The following ATP8B1 variants were observed in gnomAD, a reference collection of about 807,000 sequenced individuals.
ATP8B1 encodes phospholipid-transporting ATPase IC.
In ATP8B1, 80 loss-of-function variants were observed where a neutral mutation model predicts 149.9. That is an observed-to-expected ratio of 0.53 (90% CI 0.45 to 0.64). The LOEUF is 0.64. Ranked by LOEUF, ATP8B1 falls within the 30% of genes least tolerant of loss-of-function variation. The pLI is 0.00. For missense variants in ATP8B1, 1,247 were observed against 1,552.6 expected, an observed-to-expected ratio of 0.80 and a Z score of 3.31; for synonymous variants, 536 against 562.8, an observed-to-expected ratio of 0.95 and a Z score of 0.67.
At chr18:57,672,915 T>TAAAAC (rs1568189290) in intron 16 of ATP8B1, among the ~76,000 whole-genome samples, 1 of 58,332 alleles carries the variant, frequency 1.7e-5, no homozygotes, top group Non-Finnish European at 3.3e-5. Flanking sequence ...TATATATATA[T>TAAAAC]ATATATATAT....
At chr18:57,762,852 TA>T (rs1448204399) in intron 1 of ATP8B1, among the ~76,000 whole-genome samples, 1 of 152,312 alleles carries the variant, frequency 6.6e-6, no homozygotes, top group African/African-American at 2.4e-5. Flanking sequence ...TTCCCAAACG[TA>T]GTAATTCAAG....
intron 1 of ATP8B1, among the ~76,000 whole-genome samples, chr18:57,733,524 G>T (rs948885330): frequency 3.9e-5 from 6 of 152,078 alleles, no homozygotes; most frequent in African/African-American, 1.4e-4. Context: ...GGCTAACACA[G>T]TGAAACCCCG....
At chr18:57,682,852 T>C (rs962601838) in intron 15 of ATP8B1, among the ~76,000 whole-genome samples, 3 of 152,144 alleles carry the variant, frequency 2.0e-5, no homozygotes, top group African/African-American at 7.2e-5. Flanking sequence ...TTTTTGTTTT[T>C]TTTTGAGATA....
At chr18:57,694,250 C>A (rs1323309216) in intron 11 of ATP8B1, among the ~76,000 whole-genome samples, 1 of 152,126 alleles carries the variant, frequency 6.6e-6, no homozygotes, top group Non-Finnish European at 1.5e-5. Flanking sequence ...GCAATGAAAT[C>A]AACCCTACAT....
At chr18:57,759,818 C>T (rs2080130109) in intron 1 of ATP8B1, among the ~76,000 whole-genome samples, 3 of 124,860 alleles carry the variant, frequency 2.4e-5, no homozygotes, top group African/African-American at 5.4e-5. Context: ...GACTCCGTCT[C>T]GGGAAAGAAA....
intron 1 of ATP8B1, among the ~76,000 whole-genome samples, chr18:57,793,357 A>G (rs1395219929): frequency 6.6e-6 from 1 of 151,958 alleles, no homozygotes; most frequent in African/African-American, 2.4e-5. Flanking sequence ...CCCCACAGCT[A>G]CCATCCTGGC....
At chr18:57,692,233 A>T (rs1383210897) in intron 11 of ATP8B1, among the ~76,000 whole-genome samples, 1 of 152,122 alleles carries the variant, frequency 6.6e-6, no homozygotes, top group Non-Finnish European at 1.5e-5. Flanking sequence ...TGTTCCCAAA[A>T]TTATCTCTCC....
intron 1 of ATP8B1, among the ~76,000 whole-genome samples, chr18:57,766,858 C>T (rs2080215404): frequency 6.6e-6 from 1 of 152,252 alleles, no homozygotes; most frequent in Admixed American, 6.5e-5. Flanking sequence ...GTCAAGAAAG[C>T]CTTTCCTAGA....
In ATP8B1 at chr18:57,650,446, A is replaced by G. The variant is rs1285062874; in HGVS notation, c.3452T>C (p.Leu1151Pro). Residue 1151 changes from leucine (L) to proline (P), a missense_variant, in exon 27 of 28, where the codon CTG (leucine) becomes CCG (proline). Transcript: ENST00000648908. ...GGGTAGTAAGCACACAGCAACAGCC[A>G]GGATGATAGTTAACCAAATGTATGG... ...RQPYIWLTII[L>P]AVAVCLLPVV... is the part of the protein sequence containing the mutation. 1 of 1,614,026 alleles carries G rather than the reference A, an allele frequency of 6.2e-7. No individual in the cohort carries two copies. The highest frequency in any genetic ancestry group is 1.3e-5 in the African/African-American group (1 of 75,054).
chr18:57,653,900 A>C (rs985796276), intron 24 of ATP8B1, 92 bp downstream of exon 24: 28 of 1,153,472 alleles, frequency 2.4e-5, no homozygotes, highest in Non-Finnish European at 3.3e-5. Flanking sequence ...AAAGAAGTAA[A>C]CACCAGAAGA....
chr18:57,656,900 G>C (rs986075972), intron 22 of ATP8B1, among the ~76,000 whole-genome samples: 1 of 151,952 alleles, frequency 6.6e-6, no homozygotes, highest in African/African-American at 2.4e-5. Flanking sequence ...CGGGGTTCCT[G>C]GTGCAAATCT....
At position 57,646,936 on chromosome 18, in the gene ATP8B1, AT is replaced by A. The variant is rs1909214143; in HGVS notation, c.*1551del. 1 of 152,360 alleles carries A rather than the reference AT, an allele frequency of 6.6e-6. No homozygotes were observed. Among genetic ancestry groups the A allele is most frequent in the Non-Finnish European group, 1.5e-5 (1 of 68,040 alleles). 9.4% of individuals were successfully genotyped at this position (152,360 alleles called of 1,614,324 possible). ...GAATGAGAAAAATGTCTGGAAAAAAATTACTTTCTCCTCTTTGAGGAGTTTC... is the reference window on the plus strand; with the variant it reads ...GAATGAGAAAAATGTCTGGAAAAAAATACTTTCTCCTCTTTGAGGAGTTTC... On this transcript the variant is annotated 3_prime_UTR_variant, in exon 28 of 28. Transcript: ENST00000648908.
chr18:57,788,004 C>A (rs1347215839), intron 1 of ATP8B1, among the ~76,000 whole-genome samples: 1 of 151,888 alleles, frequency 6.6e-6, no homozygotes, highest in Non-Finnish European at 1.5e-5. Flanking sequence ...TGCACTCCAG[C>A]CTGGGCAACA....
intron 1 of ATP8B1, among the ~76,000 whole-genome samples, chr18:57,777,595 G>A (rs2080316319): frequency 6.6e-6 from 1 of 152,142 alleles, no homozygotes; most frequent in South Asian, 2.1e-4. Context: ...TTGAGACAGG[G>A]TCTCACTCTG....
intron 2 of ATP8B1, among the ~76,000 whole-genome samples, chr18:57,709,685 A>ATT (rs35159873): frequency 6.1e-5 from 9 of 146,854 alleles, no homozygotes; most frequent in Non-Finnish European, 1.1e-4. Flanking sequence ...TTCTTTTTTC[A>ATT]TTTTTTTTTT....
chr18:57,732,309 G>GTATATATATA (rs1232916462), intron 1 of ATP8B1, among the ~76,000 whole-genome samples: 1 of 21,338 alleles, frequency 4.7e-5, no homozygotes, highest in East Asian at 4.4e-3. Context: ...GTGTATATAT[G>GTATATATATA]TGTGTATATA....
In ATP8B1 at chr18:57,691,976, G is replaced by A; in HGVS notation, c.1051C>T (p.Leu351Phe). ...TGGCCGATGGCAAGACCAGCAGAAA[G>A]CAGAATAAGAACAACAAAGATCTAG... ...VYTIFVVLIL[L>F]SAGLAIGHAY... is the part of the protein sequence containing the mutation. The change falls in exon 12 of 28, where the codon CTT (leucine) becomes TTT (phenylalanine). Residue 351 changes from leucine to phenylalanine, a missense_variant. By Grantham distance (22) the Leu-to-Phe change is conservative. Coordinates refer to ENST00000648908, the MANE Select transcript of ATP8B1 (RefSeq NM_001374385.1). The A allele has an allele frequency of 6.2e-7, 1 of 1,613,696 alleles. No homozygotes were observed. The highest frequency in any genetic ancestry group is 2.2e-5 in the East Asian group (1 of 44,860).
chr18:57,756,365 G>T (rs887987220), intron 1 of ATP8B1, among the ~76,000 whole-genome samples: 18 of 147,388 alleles, frequency 1.2e-4, no homozygotes, highest in Non-Finnish European at 2.7e-4. Flanking sequence ...CAGTGGCATG[G>T]TCTTGGCTTA....
chr18:57,661,258 T>C lies in ATP8B1; in HGVS notation c.2623A>G (p.Met875Val). 6.2e-7 allele frequency: 1 copy of C among 1,614,066 alleles called. No individual in the cohort carries two copies. Among genetic ancestry groups the C allele is most frequent in the Non-Finnish European group, 8.5e-7 (1 of 1,180,020 alleles). The change falls in exon 22 of 28, where the codon ATG (methionine) becomes GTG (valine). Residue 875 changes from methionine (M) to valine (V), a missense_variant. By Grantham distance (21) the Met-to-Val change is conservative (BLOSUM62 1). Around this residue, in one of 3 missense-constraint regions of ATP8B1, gnomAD observed 230 missense variants for 356.6 expected, o/e 0.65. Coordinates refer to ENST00000648908, the MANE Select transcript of ATP8B1 (RefSeq NM_001374385.1). ...TACCTCTTCACCAGGTCCACCACCA[T>C]GGCCTTCTGCTTGGGGGTGACGCGG... is the stretch of plus-strand genomic sequence containing the variant. ...CCRVTPKQKA[M>V]VVDLVKRYKK...
Sources: allele counts gnomAD v4.1 joint callset (sites outside exome capture counted in the v4.1 genomes callset), GRCh38; gene constraint gnomAD v4.1.1; regional missense constraint gnomAD v4.1.1; transcripts MANE v1.5; gene names NCBI Gene and HGNC (gene_info 2026-07-23, HGNC 2026-07-21).